UBA6: variants seen among roughly 807,000 people sequenced by gnomAD.
UBA6 encodes the protein ubiquitin like modifier activating enzyme 6.
Under a neutral mutation model 148.3 loss-of-function variants are expected in UBA6, and 87 were observed. The observed-to-expected ratio is 0.59, with a 90% CI of 0.49 to 0.70. The LOEUF is 0.70. Ranked by LOEUF, UBA6 falls within the 30% of genes least tolerant of loss-of-function variation. UBA6 has a pLI of 0.00. For missense variants in UBA6, 1,186 were observed against 1,241.2 expected (o/e 0.96, Z 0.67); for synonymous variants, 376 against 401.0 (o/e 0.94, Z 0.75).
At chr4:67,629,010 G>T in intron 27 of UBA6, 61 bp downstream of exon 27, 1 of 1,159,006 alleles carries the variant, frequency 8.6e-7, no homozygotes, top group South Asian at 1.2e-5. Context: ...GTTTAGAATG[G>T]GACTTGGTAC....
At chr4:67,664,823 T>G (rs537188050) in intron 10 of UBA6, among the ~76,000 whole-genome samples, 1 of 152,172 alleles carries the variant, frequency 6.6e-6, no homozygotes, top group Admixed American at 6.5e-5. Context: ...AAAACAACTC[T>G]TGCTAAATCT....
At chr4:67,674,722 T>C (rs766953082) in intron 6 of UBA6, among the ~76,000 whole-genome samples, 3 of 152,246 alleles carry the variant, frequency 2.0e-5, no homozygotes, top group Non-Finnish European at 4.4e-5. Context: ...GTTTGATCAA[T>C]GTTAGAAAAT....
intron 27 of UBA6, among the ~76,000 whole-genome samples, chr4:67,627,359 G>A (rs985924610): frequency 2.6e-5 from 4 of 151,864 alleles, no homozygotes; most frequent in African/African-American, 4.8e-5. Context: ...CTGAAACTTC[G>A]GTGTGAGCTC....
Position 67,677,607 on chromosome 4 carries a change from T to G in UBA6, c.465+4A>C. The G allele has an allele frequency of 1.4e-6, 2 of 1,443,646 alleles. No homozygotes were observed. The highest frequency in any genetic ancestry group is 2.4e-5 in the South Asian group (2 of 83,758). The allele number at this position is 1,443,646 out of a possible 1,614,324, so 89.4% of individuals were successfully genotyped here. A position where few individuals can be genotyped will look rare whatever the true frequency, so the allele number is the denominator to read the frequency against. The stretch of plus-strand genomic sequence containing the variant: ...TAACATTTAATACAAAATGGAGTAC[T>G]AACCTGGTATTTATCTAAAAAGGAG... On this transcript the variant is annotated splice_donor_region_variant and intron_variant, in intron 6 of 32. Transcript: ENST00000322244.
At chr4:67,686,843 T>A (rs58395948) in intron 2 of UBA6, among the ~76,000 whole-genome samples, 34,544 of 150,120 alleles carry the variant, frequency 0.23, 4,129 homozygotes, top group Middle Eastern at 0.3. Flanking sequence ...GGTCCTACCT[T>A]CTCAGGAGGC....
chr4:67,662,387 T>C (rs1729882454), intron 12 of UBA6, 132 bp from the exon 13 acceptor site: 1 of 639,694 alleles, frequency 1.6e-6, no homozygotes, highest in African/African-American at 1.8e-5. Flanking sequence ...CACAAAATGT[T>C]GTACTGATTT....
chr4:67,648,735 G>A (rs571727605), intron 14 of UBA6, among the ~76,000 whole-genome samples: 1 of 152,144 alleles, frequency 6.6e-6, no homozygotes, highest in East Asian at 1.9e-4. Context: ...AGATTCCATG[G>A]AACAAATTCA....
chr4:67,663,752 C>T, intron 11 of UBA6, 133 bp downstream of exon 11: 1 of 680,468 alleles, frequency 1.5e-6, no homozygotes, highest in Admixed American at 2.5e-5. Flanking sequence ...TGAGTATAAC[C>T]TTTATTATAC....
Position 67,665,294 on chromosome 4 carries a change from T to C in UBA6, c.794-2A>G. The C allele has an allele frequency of 6.4e-7, 1 of 1,573,890 alleles. No individual in the cohort carries two copies. The highest frequency in any genetic ancestry group is 8.6e-7 in the Non-Finnish European group (1 of 1,162,486). On this transcript the variant is annotated splice_acceptor_variant, in intron 9 of 32. Coordinates refer to ENST00000322244, the MANE Select transcript of UBA6 (RefSeq NM_018227.6). LOFTEE classifies it high-confidence loss of function. Reference sequence around the variant, plus strand: ...TACTAAAAGAAAATGGCGATATCACTAGAAGACAAAAAATTTAAAAAATCA... The same window carrying C: ...TACTAAAAGAAAATGGCGATATCACCAGAAGACAAAAAATTTAAAAAATCA...
In UBA6 at chr4:67,616,800, G is replaced by A. The variant is rs1334604509; in HGVS notation, c.*2197C>T. 1 of 151,996 alleles carries A rather than the reference G, an allele frequency of 6.6e-6. No homozygotes were observed. The highest frequency in any genetic ancestry group is 1.5e-5 in the Non-Finnish European group (1 of 67,960). The allele number at this position is 151,996 out of a possible 1,614,324, so 9.4% of individuals were successfully genotyped here. On this transcript the variant is annotated 3_prime_UTR_variant, in exon 33 of 33. Coordinates refer to ENST00000322244, the MANE Select transcript of UBA6 (RefSeq NM_018227.6). ...CAACTTATGAAACATGATTTACAAA[G>A]ATATTCTTACATTTCTTAATTTATT...
At chr4:67,690,757 T>C (rs1391896592) in intron 2 of UBA6, among the ~76,000 whole-genome samples, 1 of 151,624 alleles carries the variant, frequency 6.6e-6, no homozygotes, top group Non-Finnish European at 1.5e-5. Context: ...CACACCTGTA[T>C]GGATGACCAT....
At position 67,678,457 on chromosome 4, in the gene UBA6, A is replaced by T; in HGVS notation, c.335T>A (p.Val112Asp). The T allele has an allele frequency of 6.3e-6, 10 of 1,599,174 alleles. No homozygotes were observed. Among genetic ancestry groups the T allele is most frequent in the East Asian group, 2.3e-5 (1 of 44,394 alleles). Residue 112 changes from valine (V) to aspartate (D), a missense_variant, in exon 5 of 33, where the codon GTT (valine) becomes GAT (aspartate). Val to Asp is a radical substitution (Grantham distance 152, BLOSUM62 -3). Transcript: ENST00000322244. ...GTNFFLSEDD[V>D]VNKRNRAEAV... Reference sequence around the variant, plus strand: ...TCTTTACCTGTTTCTCTTATTAACAACATCATCTTCACTGAGAAAGAAGTT... The same window carrying T: ...TCTTTACCTGTTTCTCTTATTAACATCATCATCTTCACTGAGAAAGAAGTT...
chr4:67,630,405 A>C (rs755892235), intron 26 of UBA6, 61 bp downstream of exon 26: 2 of 1,022,542 alleles, frequency 2.0e-6, no homozygotes, highest in South Asian at 1.5e-5. Context: ...CAATTAGTGC[A>C]TCAGTCATCT....
chr4:67,636,851 C>T lies in UBA6; in HGVS notation c.1737-1293G>A, dbSNP rs368235556. 7.5e-3 allele frequency among the ~76,000 whole-genome samples: 1,147 copies of T among 152,052 alleles called. 25 individuals are homozygous for T. The East Asian group carries it at 0.091, about 12-fold the overall frequency. On this transcript the variant is annotated intron_variant, in intron 19 of 32. Coordinates refer to ENST00000322244, the MANE Select transcript of UBA6 (RefSeq NM_018227.6). ...GTGAGGAGCGTCTCTGCCTGGCCGC[C>T]CATCGTCTGGGATGTGAGGAGCCCC...
chr4:67,697,461 T>C (rs968008118), intron 1 of UBA6, among the ~76,000 whole-genome samples: 7 of 152,256 alleles, frequency 4.6e-5, no homozygotes, highest in African/African-American at 1.4e-4. Context: ...ATCTTTCCTC[T>C]GACCTCCAGA....
Position 67,673,665 on chromosome 4 carries a change from AACTACATGTCATT to A in UBA6, c.546+19_546+31del. 1 of 1,474,792 alleles carries A rather than the reference AACTACATGTCATT, an allele frequency of 6.8e-7. No homozygotes were observed. The highest frequency in any genetic ancestry group is 1.4e-5 in the African/African-American group (1 of 72,188). The allele number at this position is 1,474,792 out of a possible 1,614,324, so 91.4% of individuals were successfully genotyped here. On this transcript the variant is annotated intron_variant, in intron 7 of 32. Transcript: ENST00000322244. ...CTAGTGAAAGTGTTCTTCCTTGGTT[AACTACATGTCATT>A]ACTAAATGATACAATTACCTTAATT...
At chr4:67,631,988 T>C (rs1729010318) in intron 23 of UBA6, 80 bp from the exon 24 acceptor site, 1 of 1,337,610 alleles carries the variant, frequency 7.5e-7, no homozygotes, top group African/African-American at 1.5e-5. Flanking sequence ...TTAAAAAATG[T>C]GTGTAGTAAA....
intron 13 of UBA6, among the ~76,000 whole-genome samples, chr4:67,652,729 C>T (rs1350488467): frequency 2.6e-5 from 4 of 152,232 alleles, no homozygotes; most frequent in Non-Finnish European, 5.9e-5. Flanking sequence ...TATGTCACCT[C>T]ACCCAGGAAG....
intron 18 of UBA6, among the ~76,000 whole-genome samples, chr4:67,639,562 A>C (rs1729253480): frequency 6.6e-6 from 1 of 152,154 alleles, no homozygotes; most frequent in African/African-American, 2.4e-5. Context: ...GTACTAACAT[A>C]TTTTAAAATT....
Sources: allele counts gnomAD v4.1 joint callset (sites outside exome capture counted in the v4.1 genomes callset), GRCh38; gene constraint gnomAD v4.1.1; transcripts MANE v1.5; gene names NCBI Gene and HGNC (gene_info 2026-07-23, HGNC 2026-07-21).